The following IL12RB2 variants were observed in gnomAD, a reference collection of about 807,000 sequenced individuals.
The protein encoded by IL12RB2 is interleukin-12 receptor subunit beta-2.
Under a neutral mutation model 89.4 loss-of-function variants are expected in IL12RB2, and 82 were observed. The observed-to-expected ratio is 0.92, with a 90% confidence interval of 0.77 to 1.10. IL12RB2 has a LOEUF of 1.10. Ranked by LOEUF, IL12RB2 falls within the 50% of genes least tolerant of loss-of-function variation. The pLI is 0.00. For missense variants in IL12RB2, 963 were observed against 1,031.9 expected, an observed-to-expected ratio of 0.93 and a Z score of 0.92; for synonymous variants, 368 against 370.1, an observed-to-expected ratio of 0.99 and a Z score of 0.07.
intron 1 of IL12RB2, among the ~76,000 whole-genome samples, chr1:67,309,368 A>T (rs17129741): frequency 0.036 from 5,462 of 152,310 alleles, 135 homozygotes; most frequent in Admixed American, 0.065. Flanking sequence ...TCTCTGGCTC[A>T]GAACCTTATA....
chr1:67,386,968 G>T (rs184327951), intron 15 of IL12RB2, among the ~76,000 whole-genome samples: 1 of 124,938 alleles, frequency 8.0e-6, no homozygotes, highest in Non-Finnish European at 1.7e-5. Flanking sequence ...CACTCTTGTC[G>T]CCCAGGCTGA....
At chr1:67,388,668 A>G (rs1047129693) in intron 15 of IL12RB2, among the ~76,000 whole-genome samples, 2 of 152,226 alleles carry the variant, frequency 1.3e-5, no homozygotes, top group Admixed American at 6.5e-5. Context: ...AATGGTGTTT[A>G]TATCTGGGGA....
intron 1 of IL12RB2, among the ~76,000 whole-genome samples, chr1:67,309,407 G>C (rs1654726403): frequency 6.6e-6 from 1 of 152,048 alleles, no homozygotes; most frequent in Non-Finnish European, 1.5e-5. Context: ...AACAAACGTT[G>C]GATTCTCATT....
intron 14 of IL12RB2, among the ~76,000 whole-genome samples, chr1:67,383,163 T>G (rs1022821499): frequency 6.6e-6 from 1 of 152,078 alleles, no homozygotes; most frequent in Admixed American, 6.6e-5. Context: ...CTTCACAAGG[T>G]GCCAGGAGAG....
At chr1:67,322,081 GTC>G (rs35077887) in intron 4 of IL12RB2, among the ~76,000 whole-genome samples, 192 bp downstream of exon 4, 101 of 148,008 alleles carry the variant, frequency 6.8e-4, no homozygotes, top group Non-Finnish European at 8.9e-4. Context: ...TATTTGGCAA[GTC>G]TCTCTCTCTC....
intron 1 of IL12RB2, among the ~76,000 whole-genome samples, chr1:67,311,956 C>A (rs1414564538): frequency 6.6e-6 from 1 of 152,114 alleles, no homozygotes; most frequent in Non-Finnish European, 1.5e-5. Context: ...CTTTGCAATA[C>A]CCAAGATCCA....
chr1:67,394,909 G>C (rs1023506113), intron 16 of IL12RB2, among the ~76,000 whole-genome samples: 1 of 152,176 alleles, frequency 6.6e-6, no homozygotes, highest in African/African-American at 2.4e-5. Flanking sequence ...AGCAGTCTCA[G>C]CCTTTCCTTT....
intron 1 of IL12RB2, among the ~76,000 whole-genome samples, chr1:67,312,708 C>A (rs1284954245): frequency 3.0e-4 from 38 of 128,416 alleles, no homozygotes; most frequent in East Asian, 4.7e-4. Flanking sequence ...AAGGAGAAAA[C>A]ACATTGAATT....
At chr1:67,391,923 G>T (rs1426301214) in intron 16 of IL12RB2, among the ~76,000 whole-genome samples, 4 of 152,116 alleles carry the variant, frequency 2.6e-5, no homozygotes, top group Non-Finnish European at 5.9e-5. Flanking sequence ...GATTATAGGC[G>T]TGAGCCACCA....
intron 9 of IL12RB2, among the ~76,000 whole-genome samples, chr1:67,348,898 A>G (rs1660523208): frequency 6.6e-6 from 1 of 152,200 alleles, no homozygotes; most frequent in South Asian, 2.1e-4. Context: ...CCCATGGGAT[A>G]CCATATTTAC....
chr1:67,395,597 TGAAGATCCTGAACCGCTG>T lies in IL12RB2; in HGVS notation c.2099_2116del (p.Glu700_Leu705del). 1 of 1,614,226 alleles carries T rather than the reference TGAAGATCCTGAACCGCTG, an allele frequency of 6.2e-7. No individual in the cohort carries two copies. Among genetic ancestry groups the T allele is most frequent in the Non-Finnish European group, 8.5e-7 (1 of 1,180,046 alleles). ...GGCTCCTGATAGACTGGCCCACGCC[TGAAGATCCTGAACCGCTG>T]GTCATCAGTGAAGTCCTTCATCAAG... On this transcript the variant is annotated inframe_deletion, in exon 17 of 17. Coordinates refer to ENST00000674203, the MANE Select transcript of IL12RB2 (RefSeq NM_001374259.2).
chr1:67,316,421 AGT>A (rs71062410), intron 2 of IL12RB2, among the ~76,000 whole-genome samples: 11,626 of 146,140 alleles, frequency 0.08, 539 homozygotes, highest in East Asian at 0.22. Context: ...TCCCCAGAGT[AGT>A]GTGTGTGTGT....
At chr1:67,313,160 G>A (rs1272674709) in intron 1 of IL12RB2, among the ~76,000 whole-genome samples, 2 of 152,180 alleles carry the variant, frequency 1.3e-5, no homozygotes, top group Non-Finnish European at 2.9e-5. Flanking sequence ...AGAAGAGAAG[G>A]TTAGCTAATT....
chr1:67,386,717 T>C (rs756292588), intron 15 of IL12RB2, 48 bp downstream of exon 15: 1 of 1,180,992 alleles, frequency 8.5e-7, no homozygotes, highest in Non-Finnish European at 1.3e-6. Context: ...TTTTAAAAAA[T>C]GATAATAGCT....
chr1:67,324,504 C>T (rs1379767137), intron 4 of IL12RB2, among the ~76,000 whole-genome samples: 2 of 152,110 alleles, frequency 1.3e-5, no homozygotes, highest in African/African-American at 4.8e-5. Flanking sequence ...TATAGACACG[C>T]ACCACCATGT....
chr1:67,308,439 C>A (rs1158066163), intron 1 of IL12RB2, among the ~76,000 whole-genome samples: 1 of 152,112 alleles, frequency 6.6e-6, no homozygotes, highest in Non-Finnish European at 1.5e-5. Flanking sequence ...CTTCCGTAGT[C>A]CCGGATGAGG....
At position 67,338,703 on chromosome 1, in the gene IL12RB2, G is replaced by C. The variant is rs1278867909; in HGVS notation, c.1038G>C (p.Lys346Asn). 3 of 1,466,822 alleles carry C rather than the reference G, an allele frequency of 2.0e-6. No homozygotes were observed. In the African/African-American group the frequency reaches 4.2e-5, roughly 20 times the overall value. 90.9% of individuals were successfully genotyped at this position (1,466,822 alleles called of 1,614,324 possible). A position where few individuals can be genotyped will look rare whatever the true frequency, so the allele number is the denominator to read the frequency against. The change falls in exon 9 of 17, where the codon AAG (lysine) becomes AAC (asparagine). Residue 346 changes from lysine (K) to asparagine (N), a missense_variant and splice_region_variant. Coordinates refer to ENST00000674203, the MANE Select transcript of IL12RB2 (RefSeq NM_001374259.2). ...YSRQQISLFW[K>N]NLSVSEARGK... ...GACAACAGATTTCTCTTTTCTGGAA[G>C]GTGAGTTTTAAGCGTCAACTTAAAA...
intron 11 of IL12RB2, among the ~76,000 whole-genome samples, chr1:67,371,507 C>T (rs964781300): frequency 9.3e-5 from 14 of 151,302 alleles, no homozygotes; most frequent in African/African-American, 3.4e-4. Context: ...GGGTAGGGTT[C>T]TTACTTTGAC....
intron 8 of IL12RB2, 143 bp from the exon 9 acceptor site, chr1:67,338,481 G>T: frequency 1.7e-6 from 1 of 595,576 alleles, no homozygotes; most frequent in Non-Finnish European, 3.1e-6. Context: ...TGTTAAACAA[G>T]AAAAAGAAAA....
Sources: allele counts gnomAD v4.1 joint callset (sites outside exome capture counted in the v4.1 genomes callset), GRCh38; gene constraint gnomAD v4.1.1; transcripts MANE v1.5; gene names NCBI Gene and HGNC (gene_info 2026-07-23, HGNC 2026-07-21).